The following CADM2 variants were observed in gnomAD, a reference collection of about 807,000 sequenced individuals.
CADM2 encodes the protein immunoglobulin superfamily member 4D.
A neutral mutation model predicts 49.8 loss-of-function variants in CADM2; 12 were observed. That is an observed-to-expected ratio of 0.24 (90% CI 0.15 to 0.39). The LOEUF (loss-of-function observed/expected upper bound fraction) is 0.39, where lower values mean the gene tolerates loss of function less well. CADM2 is among the 10% of genes least tolerant of loss of function. The pLI is 1.00. For missense variants in CADM2, 378 were observed against 492.3 expected (o/e 0.77, Z 2.20); for synonymous variants, 214 against 175.4 (o/e 1.22, Z -1.74).
At chr3:85,846,646 C>T (rs1054852582) in intron 3 of CADM2, among the ~76,000 whole-genome samples, 9 of 151,966 alleles carry the variant, frequency 5.9e-5, no homozygotes, top group East Asian at 5.8e-4. Flanking sequence ...GCAGGACAAT[C>T]GCATGTAGCC....
chr3:84,960,497 C>A (rs1204709825), intron 1 of CADM2: 1 of 148,994 alleles, frequency 6.7e-6, no homozygotes, highest in Non-Finnish European at 1.5e-5. Flanking sequence ...TTTTTTTTAA[C>A]CAAAGAAATA....
intron 1 of CADM2, among the ~76,000 whole-genome samples, chr3:85,074,886 A>C (rs1298343635): frequency 6.6e-6 from 1 of 151,920 alleles, no homozygotes; most frequent in African/African-American, 2.4e-5. Flanking sequence ...CTTTCCTTCC[A>C]TTTTTAAAAA....
intron 1 of CADM2, among the ~76,000 whole-genome samples, chr3:85,599,965 A>G (rs2063347549): frequency 6.6e-6 from 1 of 151,944 alleles, no homozygotes; most frequent in African/African-American, 2.4e-5. Context: ...AATTTTAAAG[A>G]AGTTTGTCTA....
At position 85,637,621 on chromosome 3, in the gene CADM2, A is replaced by AAATAAAATAAAATAAAAT. The variant is rs58472713; in HGVS notation, c.62-88899_62-88898insTAAAATAAAATAAAATAA. ...GAGACTCCGTCTCAAAAAAAAAAAAAAAAATAAAATAAAATAAATAAATAA... is the reference window on the plus strand; with the variant it reads ...GAGACTCCGTCTCAAAAAAAAAAAAAAATAAAATAAAATAAAATAAAATAAAATAAAATAAATAAATAA... On this transcript the variant is annotated intron_variant, in intron 1 of 9. Transcript: ENST00000383699. 6.2e-3 allele frequency among the ~76,000 whole-genome samples: 713 copies of AAATAAAATAAAATAAAAT among 114,348 alleles called. 21 individuals carry two copies. The highest frequency in any genetic ancestry group is 0.021 in the Middle Eastern group (5 of 238). The allele number at this position is 114,348 out of a possible 152,430, so 75.0% of individuals were successfully genotyped here. A position where few individuals can be genotyped will look rare whatever the true frequency, so the allele number is the denominator to read the frequency against.
At chr3:85,541,694 A>C (rs2061540796) in intron 1 of CADM2, among the ~76,000 whole-genome samples, 1 of 144,350 alleles carries the variant, frequency 6.9e-6, no homozygotes, top group South Asian at 2.1e-4. Flanking sequence ...TGTTGAGGGA[A>C]TTAAATTATA....
chr3:85,323,369 C>A (rs535642057), intron 1 of CADM2, among the ~76,000 whole-genome samples: 1 of 152,072 alleles, frequency 6.6e-6, no homozygotes, highest in African/African-American at 2.4e-5. Context: ...CATCTTTGTC[C>A]AGGCATTTTC....
At chr3:85,292,279 A>G (rs542695531) in intron 1 of CADM2, among the ~76,000 whole-genome samples, 10 of 149,704 alleles carry the variant, frequency 6.7e-5, no homozygotes, top group African/African-American at 2.0e-4. Context: ...GAGCACCCAG[A>G]TTCATAAAGC....
chr3:85,626,312 A>G (rs1182380247), intron 1 of CADM2, among the ~76,000 whole-genome samples: 3 of 152,046 alleles, frequency 2.0e-5, no homozygotes, highest in Non-Finnish European at 4.4e-5. Context: ...GTTCTTAGTC[A>G]TCACTGAAGT....
At chr3:85,442,452 T>G (rs887723744) in intron 1 of CADM2, among the ~76,000 whole-genome samples, 7 of 131,134 alleles carry the variant, frequency 5.3e-5, no homozygotes, top group African/African-American at 1.9e-4. Flanking sequence ...CAAGTACATG[T>G]ACATTTATTA....
At chr3:85,296,044 C>A (rs574469286) in intron 1 of CADM2, among the ~76,000 whole-genome samples, 1 of 151,832 alleles carries the variant, frequency 6.6e-6, no homozygotes, top group African/African-American at 2.4e-5. Context: ...AGTATGAAAT[C>A]TTGTATAAAT....
chr3:85,915,088 T>A (rs1718105878), intron 6 of CADM2, among the ~76,000 whole-genome samples: 1 of 152,146 alleles, frequency 6.6e-6, no homozygotes. Context: ...GAGAATATTT[T>A]AGCCTATATG....
intron 1 of CADM2, among the ~76,000 whole-genome samples, chr3:85,635,135 A>G (rs972935127): frequency 6.6e-6 from 1 of 152,118 alleles, no homozygotes; most frequent in Non-Finnish European, 1.5e-5. Context: ...TCTCTCCTTT[A>G]TAGCTTATTC....
intron 1 of CADM2, among the ~76,000 whole-genome samples, chr3:85,382,181 C>CA (rs896556885): frequency 5.9e-5 from 9 of 151,672 alleles, no homozygotes; most frequent in South Asian, 2.1e-4. Context: ...ATAAGAAAAG[C>CA]AAAAAAACAT....
chr3:85,699,774 T>G (rs1297177987), intron 1 of CADM2, among the ~76,000 whole-genome samples: 1 of 152,252 alleles, frequency 6.6e-6, no homozygotes, highest in African/African-American at 2.4e-5. Flanking sequence ...CTTTAGGCCT[T>G]TCCCCCATTT....
chr3:85,617,440 G>T (rs2063830374), intron 1 of CADM2, among the ~76,000 whole-genome samples: 1 of 152,126 alleles, frequency 6.6e-6, no homozygotes, highest in East Asian at 1.9e-4. Context: ...GTCCCTATGG[G>T]GTTGCAGTAG....
chr3:85,003,158 A>T (rs1468986254), intron 1 of CADM2, among the ~76,000 whole-genome samples: 1 of 152,120 alleles, frequency 6.6e-6, no homozygotes, highest in South Asian at 2.1e-4. Flanking sequence ...AGAAGTAGCT[A>T]GAGATAAAAG....
chr3:85,053,256 G>C (rs2035953367), intron 1 of CADM2, among the ~76,000 whole-genome samples: 1 of 151,994 alleles, frequency 6.6e-6, no homozygotes, highest in Admixed American at 6.6e-5. Context: ...AAATAGTAAT[G>C]GGAACTTTGG....
intron 2 of CADM2, among the ~76,000 whole-genome samples, chr3:85,758,440 T>G (rs13078960): frequency 0.15 from 22,075 of 152,080 alleles, 2,027 homozygotes; most frequent in Non-Finnish European, 0.2. Context: ...AACATTTTCA[T>G]GTTTATGACC....
chr3:85,478,581 T>C lies in CADM2; in HGVS notation c.62-247941T>C, dbSNP rs544681104. ...AAATAAAATAAAAAATGGGAACTTA[T>C]CCATTTCCTAAGGTAAGAAGCAACC... On this transcript the variant is annotated intron_variant, in intron 1 of 9. Coordinates refer to ENST00000383699, the MANE Select transcript of CADM2 (RefSeq NM_001167675.2). 2.0e-5 allele frequency among the ~76,000 whole-genome samples: 3 copies of C among 149,524 alleles called. No individual in the cohort carries two copies. The Admixed American group carries it at 2.0e-4, about 10-fold the overall frequency.
Sources: allele counts gnomAD v4.1 joint callset (sites outside exome capture counted in the v4.1 genomes callset), GRCh38; gene constraint gnomAD v4.1.1; transcripts MANE v1.5; gene names NCBI Gene and HGNC (gene_info 2026-07-23, HGNC 2026-07-21).